RXRA: variants seen among roughly 807,000 people sequenced by gnomAD.
RXRA encodes retinoid X receptor alpha.
In RXRA, 5 loss-of-function variants were observed where a neutral mutation model predicts 44.5. The ratio of observed to expected loss-of-function variants is 0.11; its 90% CI spans 0.06 to 0.24. The LOEUF (loss-of-function observed/expected upper bound fraction) is 0.24, where lower values mean the gene tolerates loss of function less well. RXRA is among the 10% of genes least tolerant of loss of function. RXRA has a pLI of 1.00. For missense variants in RXRA, 412 were observed against 646.5 expected (o/e 0.64, Z 3.93); for synonymous variants, 291 against 271.4 (o/e 1.07, Z -0.71).
chr9:134,383,436 C>T (rs1830675023), intron 1 of RXRA, among the ~76,000 whole-genome samples: 1 of 152,142 alleles, frequency 6.6e-6, no homozygotes, highest in African/African-American at 2.4e-5. Context: ...TTGCCTGTCC[C>T]CTCTGGGGCT....
At chr9:134,329,108 A>G (rs1017201209) in intron 1 of RXRA, among the ~76,000 whole-genome samples, 1 of 152,204 alleles carries the variant, frequency 6.6e-6, no homozygotes, top group African/African-American at 2.4e-5. Flanking sequence ...CTCAGACCAC[A>G]CCAGACCCCA....
At chr9:134,430,523 C>T (rs917049039) in intron 7 of RXRA, among the ~76,000 whole-genome samples, 3 of 152,206 alleles carry the variant, frequency 2.0e-5, no homozygotes, top group African/African-American at 7.2e-5. Context: ...ATGGGATGTG[C>T]CAAGTGCAAA....
intron 1 of RXRA, among the ~76,000 whole-genome samples, chr9:134,375,689 G>T (rs1370436048): frequency 6.6e-6 from 1 of 152,176 alleles, no homozygotes; most frequent in Admixed American, 6.5e-5. Context: ...TCTGGGCCCT[G>T]TGTGGGTTGT....
At position 134,437,119 on chromosome 9, in the gene RXRA, G is replaced by T. The variant is rs1588314218; in HGVS notation, c.*505G>T. On this transcript the variant is annotated 3_prime_UTR_variant, in exon 10 of 10. Coordinates refer to ENST00000481739, the MANE Select transcript of RXRA (RefSeq NM_002957.6). ...TCCCCCTAATCAGGAGGGGACAGCTGGGGGCGCAAGCTGGTGTGTCATCAG... is the reference window on the plus strand; with the variant it reads ...TCCCCCTAATCAGGAGGGGACAGCTTGGGGCGCAAGCTGGTGTGTCATCAG... The T allele has an allele frequency of 6.2e-6, 1 of 162,154 alleles. No individual in the cohort carries two copies. The highest frequency in any genetic ancestry group is 1.8e-4 in the East Asian group (1 of 5,572). 10.0% of individuals were successfully genotyped at this position (162,154 alleles called of 1,614,324 possible).
chr9:134,355,592 C>T (rs868969235), intron 1 of RXRA, among the ~76,000 whole-genome samples: 32 of 152,084 alleles, frequency 2.1e-4, no homozygotes, highest in Middle Eastern at 3.2e-3. Context: ...CAGTAGAGTC[C>T]GGCAGGGAGG....
intron 4 of RXRA, among the ~76,000 whole-genome samples, chr9:134,415,835 G>A (rs531358887): frequency 1.7e-4 from 26 of 152,336 alleles, no homozygotes; most frequent in African/African-American, 6.3e-4. Context: ...GAGTAGGGGC[G>A]TGGAGCTGTG....
intron 1 of RXRA, among the ~76,000 whole-genome samples, chr9:134,375,138 A>C (rs1369244605): frequency 6.6e-6 from 1 of 152,208 alleles, no homozygotes; most frequent in Non-Finnish European, 1.5e-5. Flanking sequence ...AAACGGAGCC[A>C]GGCTGGAGTG....
chr9:134,389,518 G>A (rs558773673), intron 1 of RXRA, among the ~76,000 whole-genome samples: 1 of 152,244 alleles, frequency 6.6e-6, no homozygotes, highest in Non-Finnish European at 1.5e-5. Context: ...CCAGGGCTTG[G>A]GCATCTCTAT....
chr9:134,390,351 A>G (rs986463439), intron 1 of RXRA, among the ~76,000 whole-genome samples: 20 of 152,006 alleles, frequency 1.3e-4, no homozygotes, highest in African/African-American at 4.6e-4. Flanking sequence ...CGGGAGGTCC[A>G]CTCTGTCGCT....
At chr9:134,368,117 C>G (rs1830436971) in intron 1 of RXRA, among the ~76,000 whole-genome samples, 1 of 152,246 alleles carries the variant, frequency 6.6e-6, no homozygotes, top group African/African-American at 2.4e-5. Flanking sequence ...ACCCCCTCCC[C>G]CCGGGACTCC....
At position 134,426,500 on chromosome 9, in the gene RXRA, C is replaced by T. The variant is rs1191005203; in HGVS notation, c.911-2608C>T. 6 of 985,334 alleles carry T rather than the reference C, an allele frequency of 6.1e-6. No individual in the cohort carries two copies. Among genetic ancestry groups the T allele is most frequent in the Admixed American group, 6.1e-5 (1 of 16,272 alleles). The allele number at this position is 985,334 out of a possible 1,614,324, so 61.0% of individuals were successfully genotyped here. On this transcript the variant is annotated intron_variant, in intron 6 of 9. Coordinates refer to ENST00000481739, the MANE Select transcript of RXRA (RefSeq NM_002957.6). The surrounding 1 kb of genome is among the most constrained non-coding windows in gnomAD (Gnocchi z 4.6). ...GGGAGCTGAGATGCAGCCGGCGTGC[C>T]GGAGGGTGCAGAGAGAGACTCCGCA...
intron 7 of RXRA, among the ~76,000 whole-genome samples, chr9:134,430,850 G>A (rs1243017059): frequency 1.3e-5 from 2 of 152,210 alleles, no homozygotes; most frequent in African/African-American, 2.4e-5. Flanking sequence ...CAGAGGCCCC[G>A]GCATTTCCTC....
At chr9:134,354,664 C>T (rs1272139673) in intron 1 of RXRA, among the ~76,000 whole-genome samples, 1 of 152,256 alleles carries the variant, frequency 6.6e-6, no homozygotes. Context: ...CTGGGCCGGG[C>T]ATTCCCAGGG....
intron 1 of RXRA, among the ~76,000 whole-genome samples, chr9:134,353,780 T>C (rs1449549203): frequency 6.6e-6 from 1 of 152,224 alleles, no homozygotes; most frequent in Non-Finnish European, 1.5e-5. Flanking sequence ...GCCTGGGATG[T>C]CCCGTTGGGG....
rs112294516 is a variant in RXRA at position 134,407,670 on chromosome 9, T to TG, written c.280-472dup. Among the ~76,000 whole-genome samples, 3,205 of 151,836 alleles carry TG rather than the reference T, an allele frequency of 0.021. 113 individuals are homozygous for TG. Among genetic ancestry groups the TG allele is most frequent in the African/African-American group, 0.073 (3,020 of 41,380 alleles). On this transcript the variant is annotated intron_variant, in intron 2 of 9. Transcript: ENST00000481739. The surrounding 1 kb of genome is among the most constrained non-coding windows in gnomAD (Gnocchi z 4.8). Reference sequence around the variant, plus strand: ...TGTTGTGGGGTGTATGTGTGGTTCTTGGGGGGGTCCCCAGCCCTCCTCCGT... The same window carrying TG: ...TGTTGTGGGGTGTATGTGTGGTTCTTGGGGGGGGTCCCCAGCCCTCCTCCGT...
At chr9:134,420,899 C>T (rs550282891) in intron 5 of RXRA, among the ~76,000 whole-genome samples, 4 of 152,314 alleles carry the variant, frequency 2.6e-5, no homozygotes, top group South Asian at 2.1e-4. Flanking sequence ...CCAAAGGAGC[C>T]GTGAATGCTG....
At chr9:134,327,630 C>A (rs1316459097) in intron 1 of RXRA, among the ~76,000 whole-genome samples, 1 of 152,174 alleles carries the variant, frequency 6.6e-6, no homozygotes, top group Non-Finnish European at 1.5e-5. Flanking sequence ...CCCCCGCCAT[C>A]CGTAGCCCCT....
At chr9:134,401,541 G>GT in intron 1 of RXRA, 91 bp from the exon 2 acceptor site, 2 of 1,586,676 alleles carry the variant, frequency 1.3e-6, no homozygotes, top group Non-Finnish European at 1.7e-6. Flanking sequence ...CTTCCCGCAG[G>GT]TGCGTGCATC....
chr9:134,431,718 G>A (rs1032279872), intron 7 of RXRA, among the ~76,000 whole-genome samples, 187 bp from the exon 8 acceptor site: 1 of 146,692 alleles, frequency 6.8e-6, no homozygotes, highest in East Asian at 1.9e-4. Context: ...CCTGGCAGGG[G>A]CGGCACCTGG....
Sources: allele counts gnomAD v4.1 joint callset (sites outside exome capture counted in the v4.1 genomes callset), GRCh38; gene constraint gnomAD v4.1.1; non-coding constraint Gnocchi (gnomAD v3.1); transcripts MANE v1.5; gene names NCBI Gene and HGNC (gene_info 2026-07-23, HGNC 2026-07-21).